Variants in ANKRD11 observed in about 807,000 individuals in gnomAD.
ANKRD11 encodes ankyrin repeat domain 11, also known as ankyrin repeat domain-containing protein 11.
ANKRD11 carries 17 observed loss-of-function variants against 195.7 expected under a neutral mutation model. The observed-to-expected ratio is 0.09, with a 90% CI of 0.06 to 0.13. The LOEUF (loss-of-function observed/expected upper bound fraction) is 0.13, where lower values mean the gene tolerates loss of function less well. Ranked by LOEUF, ANKRD11 falls within the 10% of genes least tolerant of loss-of-function variation. The pLI, the probability that ANKRD11 is intolerant of heterozygous loss-of-function variation, is 1.00. For synonymous variants in ANKRD11, 1,953 were observed against 1,528.1 expected, an observed-to-expected ratio of 1.28 and a Z score of -6.49; for missense variants, 3,735 against 3,566.1, an observed-to-expected ratio of 1.05 and a Z score of -1.21.
In ANKRD11 at chr16:89,297,318, A is replaced by C. The variant is rs550481072; in HGVS notation, c.227-6135T>G. ...ATACATTCTTGATTCTGCTCCACAA[A>C]GGGATGTTTCCATGGCGATATTTTC... On this transcript the variant is annotated intron_variant, in intron 4 of 12. Coordinates refer to ENST00000301030, the MANE Select transcript of ANKRD11 (RefSeq NM_013275.6). 2.0e-5 allele frequency among the ~76,000 whole-genome samples: 3 copies of C among 152,296 alleles called. No individual in the cohort carries two copies. In the South Asian group the frequency reaches 6.2e-4, roughly 32 times the overall value.
chr16:89,413,062 T>C lies in ANKRD11; in HGVS notation c.-60+5222A>G, dbSNP rs148192954. On this transcript the variant is annotated intron_variant, in intron 2 of 12. Transcript: ENST00000301030. The stretch of plus-strand genomic sequence containing the variant: ...GACTCTCTGCCCATCAACCAGAGCC[T>C]GGAGGGGGAGGGAGTAGGAGGGGGC... Among the ~76,000 whole-genome samples the C allele has an allele frequency of 2.6e-5, 4 of 152,178 alleles. No homozygotes were observed. The East Asian group carries it at 5.8e-4, about 22-fold the overall frequency.
rs75874583 is a variant in ANKRD11, at chr16:89,417,150, G to A, written c.-60+1134C>T. 1.5e-3 allele frequency among the ~76,000 whole-genome samples: 231 copies of A among 152,302 alleles called. 2 individuals are homozygous for A. Among genetic ancestry groups the A allele is most frequent in the African/African-American group, 5.3e-3 (222 of 41,562 alleles). On this transcript the variant is annotated intron_variant, in intron 2 of 12. Transcript: ENST00000301030. ...TTCCAAGGAAAGAATTCAGTCATAT[G>A]AAAGAAAGCAGTCAGGTGTATTTTA...
chr16:89,458,815 C>T (rs534676963), intron 1 of ANKRD11: 1 of 152,458 alleles, frequency 6.6e-6, no homozygotes, highest in Admixed American at 6.5e-5. Context: ...CCTCAGCTTC[C>T]TGCTGCTGAC....
chr16:89,290,800 C>T lies in ANKRD11; in HGVS notation c.426G>A (p.Gln142=). The T allele has an allele frequency of 6.2e-7, 1 of 1,613,950 alleles. No individual in the cohort carries two copies. Among genetic ancestry groups the T allele is most frequent in the Non-Finnish European group, 8.5e-7 (1 of 1,179,978 alleles). The change falls in exon 6 of 13, where the codon CAG becomes CAA. Residue 142 remains glutamine, a synonymous_variant. Transcript: ENST00000301030. The stretch of plus-strand genomic sequence containing the variant: ...GCGTTCCCTTCTGACACACTGTAGA[C>T]TGGGAGGGGTGCTTTGGTGTTGTGT... The part of the protein sequence containing the change: ...PVDTTPKHPS[Q]STVCQKGTPN...
At chr16:89,423,932 T>G (rs975511765) in intron 1 of ANKRD11, among the ~76,000 whole-genome samples, 1 of 152,048 alleles carries the variant, frequency 6.6e-6, no homozygotes, top group Non-Finnish European at 1.5e-5. Context: ...AATCAAAACT[T>G]AAGCGGGTAA....
rs1597650245 is a variant in ANKRD11 at position 89,325,481 on chromosome 16, A to T, written c.-59-8403T>A. Among the ~76,000 whole-genome samples, 5 of 151,998 alleles carry T rather than the reference A, an allele frequency of 3.3e-5. No homozygotes were observed. The South Asian group carries it at 8.3e-4, about 25-fold the overall frequency. ...CTCTCTCTCTCTCTCACACACACAC[A>T]CACACACACACACAGAGTAATAATG... is the stretch of plus-strand genomic sequence containing the variant. On this transcript the variant is annotated intron_variant, in intron 2 of 12. Coordinates refer to ENST00000301030, the MANE Select transcript of ANKRD11 (RefSeq NM_013275.6).
At chr16:89,334,567 T>C (rs1162409195) in intron 2 of ANKRD11, among the ~76,000 whole-genome samples, 3 of 152,018 alleles carry the variant, frequency 2.0e-5, no homozygotes, top group African/African-American at 7.3e-5. Context: ...CGGCATGCTA[T>C]GGGGCCATGA....
At chr16:89,393,508 T>G (rs1326275651) in intron 2 of ANKRD11, among the ~76,000 whole-genome samples, 57 of 112,956 alleles carry the variant, frequency 5.0e-4, no homozygotes, top group Admixed American at 1.3e-3. Flanking sequence ...TTTTTTTTTT[T>G]GTATTTTTAA....
intron 2 of ANKRD11, among the ~76,000 whole-genome samples, chr16:89,329,604 T>A (rs1321023690): frequency 1.4e-5 from 2 of 138,948 alleles, no homozygotes; most frequent in East Asian, 2.1e-4. Flanking sequence ...AAAATTTTAA[T>A]TCCCATAGAA....
intron 2 of ANKRD11, among the ~76,000 whole-genome samples, chr16:89,402,884 G>A (rs2041758442): frequency 6.6e-6 from 1 of 151,982 alleles, no homozygotes; most frequent in Admixed American, 6.5e-5. Context: ...GCTCTCCCGG[G>A]GGAAGGAGCC....
At chr16:89,410,086 G>A (rs77655198) in intron 2 of ANKRD11, among the ~76,000 whole-genome samples, 6,003 of 152,168 alleles carry the variant, frequency 0.039, 198 homozygotes, top group East Asian at 0.17. Flanking sequence ...TGATCCGCCC[G>A]CCTCGGCCTC....
chr16:89,387,198 G>T (rs1236105256), intron 2 of ANKRD11, among the ~76,000 whole-genome samples: 2 of 151,662 alleles, frequency 1.3e-5, no homozygotes, highest in Non-Finnish European at 2.9e-5. Context: ...GCTCAGCAAG[G>T]AAACACACAG....
chr16:89,423,414 G>C (rs1477364283), intron 1 of ANKRD11, among the ~76,000 whole-genome samples: 1 of 152,246 alleles, frequency 6.6e-6, no homozygotes, highest in Non-Finnish European at 1.5e-5. Flanking sequence ...GCTTCCCACA[G>C]AACGGCCCGC....
At chr16:89,434,185 T>C (rs928781011) in intron 1 of ANKRD11, among the ~76,000 whole-genome samples, 10 of 152,138 alleles carry the variant, frequency 6.6e-5, no homozygotes, top group Admixed American at 6.5e-4. Flanking sequence ...CACTCACCCA[T>C]GGTGCACCCT....
intron 3 of ANKRD11, among the ~76,000 whole-genome samples, chr16:89,306,556 C>T (rs2151879936): frequency 1.0e-5 from 1 of 99,992 alleles, no homozygotes; most frequent in African/African-American, 4.0e-5. Context: ...TTACCTCCCA[C>T]TCCGCAGACA....
intron 2 of ANKRD11, among the ~76,000 whole-genome samples, chr16:89,378,570 AAT>A (rs2040515831): frequency 6.6e-6 from 1 of 152,240 alleles, no homozygotes; most frequent in Non-Finnish European, 1.5e-5. Flanking sequence ...GCAGGCTGGA[AAT>A]AGTCTGGCTG....
intron 3 of ANKRD11, chr16:89,313,523 A>G (rs1348847499): frequency 3.1e-6 from 4 of 1,289,236 alleles, no homozygotes; most frequent in Non-Finnish European, 4.0e-6. Context: ...GATGCACTGC[A>G]GAGTTGTGGG....
intron 2 of ANKRD11, among the ~76,000 whole-genome samples, chr16:89,356,868 C>G (rs367852458): frequency 1.3e-5 from 2 of 151,624 alleles, no homozygotes; most frequent in African/African-American, 4.8e-5. Flanking sequence ...TAATAAACAA[C>G]AAAAGCCTGA....
intron 2 of ANKRD11, among the ~76,000 whole-genome samples, chr16:89,379,675 G>A (rs544520670): frequency 2.0e-5 from 3 of 152,306 alleles, no homozygotes; most frequent in East Asian, 3.9e-4. Context: ...TGACTGGGAC[G>A]CGAGCGCCCC....
Sources: gnomAD v4.1 joint callset for allele counts (sites outside exome capture counted in the v4.1 genomes callset) on GRCh38, gnomAD v4.1.1 for gene constraint, MANE v1.5 for transcripts, NCBI Gene and HGNC (gene_info 2026-07-23, HGNC 2026-07-21) for gene names.